The following WWTR1 variants were observed in gnomAD, a reference collection of about 807,000 sequenced individuals.
WWTR1 encodes WW domain-containing transcription regulator protein 1.
A neutral mutation model predicts 40.1 loss-of-function variants in WWTR1; 13 were observed. That is an observed-to-expected ratio of 0.32 (90% CI 0.21 to 0.52). WWTR1 has a LOEUF of 0.52. Among genes scored for constraint, WWTR1 ranks in the 20% least tolerant of loss-of-function variants. WWTR1 has a pLI of 0.97. For synonymous variants in WWTR1, 230 were observed against 210.1 expected (o/e 1.09, Z -0.82); for missense variants, 436 against 523.1 (o/e 0.83, Z 1.63).
intron 3 of WWTR1, among the ~76,000 whole-genome samples, chr3:149,557,024 TC>T (rs1252220077): frequency 1.4e-5 from 2 of 146,284 alleles, no homozygotes; most frequent in Admixed American, 6.9e-5. Context: ...ATAGAAAACT[TC>T]CCCATAAAAC....
At position 149,622,613 on chromosome 3, in the gene WWTR1, G is replaced by T. The variant is rs538846608; in HGVS notation, c.431+34263C>A. On this transcript the variant is annotated intron_variant, in intron 2 of 6. Coordinates refer to ENST00000360632, the MANE Select transcript of WWTR1 (RefSeq NM_015472.6). ...CGCCTGTAATCCCAACATTTTGAGA[G>T]GCTGAGCTGGGCAGATCTCTTGAGC... 2.0e-5 allele frequency among the ~76,000 whole-genome samples: 3 copies of T among 152,336 alleles called. No homozygotes were observed. In the East Asian group the frequency reaches 5.8e-4, roughly 29 times the overall value.
intron 2 of WWTR1, among the ~76,000 whole-genome samples, chr3:149,595,663 C>T (rs371955625): frequency 6.6e-6 from 1 of 152,102 alleles, no homozygotes; most frequent in Non-Finnish European, 1.5e-5. Context: ...TAAAATCCTT[C>T]CTACTTGGTT....
chr3:149,639,194 T>G (rs1417849495), intron 2 of WWTR1, among the ~76,000 whole-genome samples: 1 of 152,216 alleles, frequency 6.6e-6, no homozygotes, highest in Admixed American at 6.5e-5. Context: ...AGACTAAGAC[T>G]AAAATTATCT....
At chr3:149,613,250 T>G (rs1297577102) in intron 2 of WWTR1, among the ~76,000 whole-genome samples, 1 of 152,108 alleles carries the variant, frequency 6.6e-6, no homozygotes, top group Non-Finnish European at 1.5e-5. Context: ...CAGAATCATA[T>G]ATGAAAGCCT....
chr3:149,530,936 T>G (rs1222123763), intron 4 of WWTR1, among the ~76,000 whole-genome samples: 3 of 151,348 alleles, frequency 2.0e-5, no homozygotes, highest in African/African-American at 7.3e-5. Flanking sequence ...CCGGAATGAT[T>G]GCTTTTTTTT....
chr3:149,603,562 T>C (rs1239162923), intron 2 of WWTR1, among the ~76,000 whole-genome samples: 1 of 135,816 alleles, frequency 7.4e-6, no homozygotes, highest in Non-Finnish European at 1.5e-5. Context: ...CCCCCCCTTG[T>C]ACTCCACTCT....
intron 1 of WWTR1, among the ~76,000 whole-genome samples, chr3:149,696,364 A>G (rs879724441): frequency 3.9e-5 from 6 of 152,122 alleles, no homozygotes; most frequent in Non-Finnish European, 7.4e-5. Flanking sequence ...CTAAATGCTT[A>G]ATATATGTGG....
At chr3:149,662,910 T>G (rs575821944), upstream of WWTR1, among the ~76,000 whole-genome samples, 2 of 152,182 alleles carry the variant, frequency 1.3e-5, no homozygotes, top group African/African-American at 4.8e-5. Context: ...TGAATTCTGC[T>G]CAAAATTGTC....
intron 2 of WWTR1, among the ~76,000 whole-genome samples, chr3:149,645,379 C>T (rs534783414): frequency 2.4e-4 from 36 of 152,062 alleles, no homozygotes; most frequent in African/African-American, 6.0e-4. Context: ...ACGCCTGGCC[C>T]CAGGCTGCTC....
chr3:149,691,017 G>T (rs1714807632), intron 1 of WWTR1, among the ~76,000 whole-genome samples: 1 of 151,960 alleles, frequency 6.6e-6, no homozygotes, highest in Non-Finnish European at 1.5e-5. Flanking sequence ...AAGAAATCAA[G>T]AAACAACTTT....
intron 1 of WWTR1, among the ~76,000 whole-genome samples, chr3:149,691,046 T>C (rs1179215826): frequency 6.6e-6 from 1 of 152,160 alleles, no homozygotes; most frequent in East Asian, 1.9e-4. Flanking sequence ...CTTGAAATTC[T>C]GGCATGGCAT....
At chr3:149,651,403 G>A (rs1464132894) in intron 2 of WWTR1, among the ~76,000 whole-genome samples, 1 of 152,192 alleles carries the variant, frequency 6.6e-6, no homozygotes, top group Non-Finnish European at 1.5e-5. Flanking sequence ...TGACAGCTCT[G>A]TAGTGGGCTT....
At chr3:149,560,258 C>T (rs9851477) in intron 3 of WWTR1, among the ~76,000 whole-genome samples, 6,139 of 152,272 alleles carry the variant, frequency 0.04, 171 homozygotes, top group Non-Finnish European at 0.056. Flanking sequence ...CTGAGATTCC[C>T]TCAAATTGCA....
At chr3:149,706,498 A>G (rs1715340172), upstream of WWTR1, among the ~76,000 whole-genome samples, 1 of 151,846 alleles carries the variant, frequency 6.6e-6, no homozygotes, top group Non-Finnish European at 1.5e-5. Context: ...TTGTATTTTT[A>G]GTAGAGACAG....
At chr3:149,572,053 T>G (rs1160903956) in intron 3 of WWTR1, among the ~76,000 whole-genome samples, 1 of 152,144 alleles carries the variant, frequency 6.6e-6, no homozygotes, top group African/African-American at 2.4e-5. Flanking sequence ...TGAGCCATAT[T>G]ATCCCACGGC....
intron 3 of WWTR1, among the ~76,000 whole-genome samples, chr3:149,557,061 CTTTTTTTTTTTTTT>C (rs3044118): frequency 1.6e-5 from 1 of 64,356 alleles, no homozygotes; most frequent in African/African-American, 6.2e-5. Context: ...CTGGAATCTT[CTTTTTTTTTTTTTT>C]TTTTTTTTTT....
chr3:149,592,080 T>C (rs568048599), intron 2 of WWTR1, among the ~76,000 whole-genome samples: 66 of 152,358 alleles, frequency 4.3e-4, no homozygotes, highest in African/African-American at 1.5e-3. Flanking sequence ...AATGATGTTC[T>C]ATAAAACATC....
At chr3:149,659,331 A>ATTTTTTTTTTTTTTTTTTTTTTTTTTTTT (rs71138403), upstream of WWTR1, 22 of 106,456 alleles carry the variant, frequency 2.1e-4, 3 homozygotes, top group African/African-American at 8.1e-4. Context: ...TTGTGCCTTA[A>ATTTTTTTTTTTTTTTTTTTTTTTTTTTTT]TTTTTTTTTT....
At chr3:149,646,097 A>G (rs1232448508) in intron 2 of WWTR1, among the ~76,000 whole-genome samples, 1 of 152,248 alleles carries the variant, frequency 6.6e-6, no homozygotes, top group African/African-American at 2.4e-5. Flanking sequence ...AAGTTAATGA[A>G]AGGTATGATT....
Sources: gnomAD v4.1 joint callset for allele counts (sites outside exome capture counted in the v4.1 genomes callset) on GRCh38, gnomAD v4.1.1 for gene constraint, MANE v1.5 for transcripts, NCBI Gene and HGNC (gene_info 2026-07-23, HGNC 2026-07-21) for gene names.